Variants in CPXM2 observed in about 807,000 individuals in gnomAD.
CPXM2 encodes the protein carboxypeptidase X, M14 family member 2, also known as inactive carboxypeptidase-like protein X2.
Under a neutral mutation model 86.1 loss-of-function variants are expected in CPXM2, and 66 were observed. The observed-to-expected ratio is 0.77, with a 90% CI of 0.63 to 0.94. The LOEUF is 0.94. Ranked by LOEUF, CPXM2 falls within the 40% of genes least tolerant of loss-of-function variation. CPXM2 has a pLI of 0.00. For synonymous variants in CPXM2, 388 were observed against 400.2 expected (o/e 0.97, Z 0.36); for missense variants, 948 against 1,026.3 (o/e 0.92, Z 1.04).
At chr10:123,914,611 C>T (rs1202973779) in intron 2 of CPXM2, among the ~76,000 whole-genome samples, 1 of 152,130 alleles carries the variant, frequency 6.6e-6, no homozygotes, top group Non-Finnish European at 1.5e-5. Context: ...CATTTTATAC[C>T]TGGATGGTTA....
intron 4 of CPXM2, among the ~76,000 whole-genome samples, chr10:123,808,229 A>G (rs1214694953): frequency 6.6e-6 from 1 of 152,178 alleles, no homozygotes; most frequent in African/African-American, 2.4e-5. Context: ...ATCATTAACA[A>G]AAGGAAAGAT....
At chr10:123,892,412 A>G (rs1176609375), upstream of CPXM2, among the ~76,000 whole-genome samples, 1 of 152,142 alleles carries the variant, frequency 6.6e-6, no homozygotes, top group East Asian at 1.9e-4. Flanking sequence ...AGGGGTCACA[A>G]GAGGGTTTGT....
At chr10:123,767,592 G>A (rs1846508725) in intron 9 of CPXM2, among the ~76,000 whole-genome samples, 1 of 152,098 alleles carries the variant, frequency 6.6e-6, no homozygotes, top group African/African-American at 2.4e-5. Flanking sequence ...CAATAAATGT[G>A]ACCACATTTC....
At chr10:123,904,202 C>T (rs754347925) in intron 2 of CPXM2, among the ~76,000 whole-genome samples, 84 of 152,196 alleles carry the variant, frequency 5.5e-4, no homozygotes, top group Non-Finnish European at 1.0e-3. Context: ...AAAATTCTGT[C>T]TCAATCAGGA....
intron 4 of CPXM2, among the ~76,000 whole-genome samples, chr10:123,834,325 G>A (rs758191655): frequency 1.3e-5 from 2 of 152,254 alleles, no homozygotes; most frequent in Non-Finnish European, 2.9e-5. Context: ...GACCTGCCCT[G>A]TGCAGGGCTC....
chr10:123,843,488 C>T (rs534720389), intron 3 of CPXM2, among the ~76,000 whole-genome samples: 67 of 136,694 alleles, frequency 4.9e-4, no homozygotes, highest in African/African-American at 1.8e-3. Context: ...GGCTGGAGTG[C>T]AGTGGCGCCA....
At position 123,754,867 on chromosome 10, in the gene CPXM2, G is replaced by T. The variant is rs2133974615; in HGVS notation, c.1918-105C>A. On this transcript the variant is annotated intron_variant, in intron 12 of 13. Transcript: ENST00000241305. This position sits in a 1 kb window ranked among gnomAD's most constrained non-coding sequence, Gnocchi z 4.0. ...CCCACCATTGGCCGGTTCCCACCAA[G>T]AACTCACACAGCACCACGTCTTGCT... The T allele has an allele frequency of 1.4e-6, 1 of 717,024 alleles. No individual in the cohort carries two copies. Among genetic ancestry groups the T allele is most frequent in the South Asian group, 1.6e-5 (1 of 64,024 alleles). 44.4% of individuals were successfully genotyped at this position (717,024 alleles called of 1,614,324 possible). A position where few individuals can be genotyped will look rare whatever the true frequency, so the allele number is the denominator to read the frequency against.
chr10:123,901,078 G>A (rs888058757), intron 2 of CPXM2, among the ~76,000 whole-genome samples: 1 of 152,122 alleles, frequency 6.6e-6, no homozygotes, highest in African/African-American at 2.4e-5. Flanking sequence ...TTTCTAATAT[G>A]TCCTTTTGCC....
At chr10:123,807,164 G>A (rs991001480) in intron 4 of CPXM2, among the ~76,000 whole-genome samples, 4 of 152,148 alleles carry the variant, frequency 2.6e-5, no homozygotes, top group Non-Finnish European at 5.9e-5. Flanking sequence ...ACTGTCAGAT[G>A]CCATACCAAC....
rs1353631645 is a variant in CPXM2, at chr10:123,832,579, C to T, written c.653+9770G>A. On this transcript the variant is annotated intron_variant, in intron 4 of 13. Transcript: ENST00000241305. ...CAGTGGCTCACACCTGTAACCCTAG[C>T]ACTTTGGGAGGCCGAGGTGGGTGGA... Among the ~76,000 whole-genome samples, 7 of 152,052 alleles carry T rather than the reference C, an allele frequency of 4.6e-5. No individual in the cohort carries two copies. The East Asian group carries it at 1.3e-3, about 29-fold the overall frequency.
chr10:123,799,416 T>A (rs951486118), intron 4 of CPXM2, among the ~76,000 whole-genome samples: 1 of 152,186 alleles, frequency 6.6e-6, no homozygotes, highest in African/African-American at 2.4e-5. Flanking sequence ...CATAAAAGCA[T>A]CAACCTTAAA....
At chr10:123,778,081 A>C (rs56288637) in intron 7 of CPXM2, among the ~76,000 whole-genome samples, 46,755 of 151,876 alleles carry the variant, frequency 0.31, 7,772 homozygotes, top group Non-Finnish European at 0.37. Context: ...GCAGCTTCCC[A>C]CTGCCTGGAA....
intron 1 of CPXM2, among the ~76,000 whole-genome samples, chr10:123,888,845 T>C (rs1245118760): frequency 1.3e-5 from 2 of 152,210 alleles, no homozygotes; most frequent in Non-Finnish European, 2.9e-5. Context: ...CAGGCAGCTG[T>C]CCCAACAGGC....
Position 123,865,434 on chromosome 10 carries a change from T to C in CPXM2, c.404-2711A>G, listed in dbSNP as rs896407168. Among the ~76,000 whole-genome samples the C allele has an allele frequency of 6.6e-6, 1 of 151,978 alleles. No homozygotes were observed. The highest frequency in any genetic ancestry group is 2.4e-5 in the African/African-American group (1 of 41,376). On this transcript the variant is annotated intron_variant, in intron 2 of 13. Coordinates refer to ENST00000241305, the MANE Select transcript of CPXM2 (RefSeq NM_198148.3). The surrounding 1 kb of genome is among the most constrained non-coding windows in gnomAD (Gnocchi z 4.7). ...CAACTTAGACAGGAAGGGAAATCCC[T>C]AGAGAAATGAGAGGGATGGCAGAAA...
chr10:123,793,006 G>A (rs1847242505), intron 6 of CPXM2, among the ~76,000 whole-genome samples: 2 of 152,174 alleles, frequency 1.3e-5, no homozygotes, highest in Admixed American at 1.3e-4. Flanking sequence ...AGGACTGTGA[G>A]GAACATTTGT....
upstream of CPXM2, among the ~76,000 whole-genome samples, chr10:123,942,345 G>A (rs532212161): frequency 2.6e-5 from 4 of 152,240 alleles, no homozygotes; most frequent in East Asian, 7.7e-4. Context: ...CTTAACCTAC[G>A]ATGTCACAGG....
At chr10:123,919,526 T>C (rs1412405310) in intron 2 of CPXM2, among the ~76,000 whole-genome samples, 1 of 152,034 alleles carries the variant, frequency 6.6e-6, no homozygotes, top group Non-Finnish European at 1.5e-5. Context: ...TTGAAACAAA[T>C]AGAAAGTTAC....
At position 123,761,972 on chromosome 10, in the gene CPXM2, G is replaced by C; in HGVS notation, c.1677C>G (p.His559Gln). Residue 559 changes from histidine (H) to glutamine (Q), a missense_variant, in exon 11 of 14, where the codon CAC becomes CAG. Transcript: ENST00000241305. ...RWLAYSYASTHRLMTDARRRV... is the reference protein window; with the variant it reads ...RWLAYSYASTQRLMTDARRRV... ...TCCTCCGGGCGTCTGTCATGAGGCG[G>C]TGTGTGGAGGCATAGGAGTAGGCCA... The C allele has an allele frequency of 1.2e-6, 2 of 1,613,842 alleles. No homozygotes were observed. Among genetic ancestry groups the C allele is most frequent in the Non-Finnish European group, 1.7e-6 (2 of 1,179,860 alleles).
Position 123,747,148 on chromosome 10 carries a change from G to A in CPXM2, c.2018-131C>T, listed in dbSNP as rs148067353. 93 of 1,094,064 alleles carry A rather than the reference G, an allele frequency of 8.5e-5. No individual in the cohort carries two copies. The East Asian group carries it at 2.2e-3, about 26-fold the overall frequency. The allele number at this position is 1,094,064 out of a possible 1,614,324, so 67.8% of individuals were successfully genotyped here. On this transcript the variant is annotated intron_variant, in intron 13 of 13. Coordinates refer to ENST00000241305, the MANE Select transcript of CPXM2 (RefSeq NM_198148.3). ...CTGGCAACGTGGAATCCGAGCTCCT[G>A]CAGATGCAAATTCTTAATGCATTTT...
Sources: allele counts gnomAD v4.1 joint callset (sites outside exome capture counted in the v4.1 genomes callset), GRCh38; gene constraint gnomAD v4.1.1; non-coding constraint Gnocchi (gnomAD v3.1); transcripts MANE v1.5; gene names NCBI Gene and HGNC (gene_info 2026-07-23, HGNC 2026-07-21).